The following ROCK2 variants were observed in gnomAD, a reference collection of about 807,000 sequenced individuals.
ROCK2 encodes the protein rho-associated protein kinase 2.
ROCK2 carries 61 observed loss-of-function variants against 195.1 expected under a neutral mutation model. The observed-to-expected ratio is 0.31, with a 90% CI of 0.25 to 0.39. The LOEUF (loss-of-function observed/expected upper bound fraction) is 0.39, where lower values mean the gene tolerates loss of function less well. ROCK2 is among the 10% of genes least tolerant of loss of function. ROCK2 has a pLI of 1.00. For missense variants in ROCK2, 1,109 were observed against 1,637.4 expected (o/e 0.68, Z 5.57); for synonymous variants, 504 against 545.5 (o/e 0.92, Z 1.06).
At chr2:11,341,431 C>A (rs1356466888) in intron 1 of ROCK2, among the ~76,000 whole-genome samples, 5 of 152,178 alleles carry the variant, frequency 3.3e-5, no homozygotes, top group Non-Finnish European at 7.4e-5. Flanking sequence ...GAGAAGTGAA[C>A]TAAATTTAAT....
chr2:11,185,546 T>A (rs1225719793), intron 32 of ROCK2, among the ~76,000 whole-genome samples: 2 of 152,102 alleles, frequency 1.3e-5, no homozygotes, highest in Non-Finnish European at 2.9e-5. Context: ...CTGGCCAACA[T>A]GGTGAAACCA....
At position 11,256,677 on chromosome 2, in the gene ROCK2, T is replaced by C. The variant is rs1666047635; in HGVS notation, c.325-6879A>G. On this transcript the variant is annotated intron_variant, in intron 3 of 32. Coordinates refer to ENST00000315872, the MANE Select transcript of ROCK2 (RefSeq NM_004850.5). ...AGATCTACCATGCAAACTGCAAGGG[T>C]AAAAAAGTTGGTATATAAATAATAA... Among the ~76,000 whole-genome samples, 3 of 150,804 alleles carry C rather than the reference T, an allele frequency of 2.0e-5. No individual in the cohort carries two copies. In the South Asian group the frequency reaches 6.2e-4, roughly 31 times the overall value.
Position 11,201,320 on chromosome 2 carries a change from G to T in ROCK2, c.2713C>A (p.Gln905Lys). The change falls in exon 22 of 33, where the codon CAG (glutamine) becomes AAG (lysine). Residue 905 changes from glutamine to lysine, a missense_variant. By Grantham distance (53) the Gln-to-Lys change is moderately conservative (BLOSUM62 1). Coordinates refer to ENST00000315872, the MANE Select transcript of ROCK2 (RefSeq NM_004850.5). The surrounding 1 kb of genome is among the most constrained non-coding windows in gnomAD (Gnocchi z 4.6). ...KELQQKKQELQDERDSLAAQL... is the reference protein window; with the variant it reads ...KELQQKKQELKDERDSLAAQL... ...GGGTCTCATACTTACCGTTCATCCT[G>T]TAATTCCTGTTTCTTCTGCTGCAAT... 3 of 1,607,672 alleles carry T rather than the reference G, an allele frequency of 1.9e-6. No homozygotes were observed. The highest frequency in any genetic ancestry group is 2.6e-6 in the Non-Finnish European group (3 of 1,174,624).
At chr2:11,285,740 C>T (rs1667165606) in intron 3 of ROCK2, among the ~76,000 whole-genome samples, 1 of 152,048 alleles carries the variant, frequency 6.6e-6, no homozygotes, top group Non-Finnish European at 1.5e-5. Context: ...GGTAGGAGAA[C>T]TGCTTGAGCT....
At chr2:11,202,629 C>G (rs1362519973) in intron 20 of ROCK2, among the ~76,000 whole-genome samples, 1 of 152,076 alleles carries the variant, frequency 6.6e-6, no homozygotes, top group Non-Finnish European at 1.5e-5. Context: ...TCCCGAGTAG[C>G]TGGGACTACA....
intron 4 of ROCK2, among the ~76,000 whole-genome samples, chr2:11,238,664 A>T (rs1665313707): frequency 6.6e-6 from 1 of 152,190 alleles, no homozygotes; most frequent in African/African-American, 2.4e-5. Context: ...CCTGGGCAAC[A>T]AAGTGAGACT....
At position 11,279,759 on chromosome 2, in the gene ROCK2, A is replaced by T. The variant is rs78517659; in HGVS notation, c.324+6780T>A. 4.8e-4 allele frequency among the ~76,000 whole-genome samples: 73 copies of T among 152,344 alleles called. No individual in the cohort carries two copies. The East Asian group carries it at 0.012, about 25-fold the overall frequency. ...TTTCTCAAACTCTCATGGAACGTTC[A>T]CCAAGATAAATCACATTCTGGGCCA... On this transcript the variant is annotated intron_variant, in intron 3 of 32. Coordinates refer to ENST00000315872, the MANE Select transcript of ROCK2 (RefSeq NM_004850.5).
At chr2:11,341,753 A>G (rs1189167928) in intron 1 of ROCK2, among the ~76,000 whole-genome samples, 1 of 152,254 alleles carries the variant, frequency 6.6e-6, no homozygotes, top group Non-Finnish European at 1.5e-5. Flanking sequence ...AACAATGACC[A>G]ATAGTGAAAT....
chr2:11,262,707 G>A (rs1666276384), intron 3 of ROCK2, among the ~76,000 whole-genome samples: 2 of 152,230 alleles, frequency 1.3e-5, no homozygotes, highest in South Asian at 2.1e-4. Context: ...GGAACTGTAA[G>A]TCCAATAAAC....
intron 3 of ROCK2, among the ~76,000 whole-genome samples, chr2:11,254,577 A>G (rs1665952581): frequency 6.6e-6 from 1 of 151,956 alleles, no homozygotes; most frequent in African/African-American, 2.4e-5. Context: ...TGGCATTGGA[A>G]GAACACAGGA....
At chr2:11,190,294 G>T (rs1014519685) in intron 32 of ROCK2, among the ~76,000 whole-genome samples, 1 of 150,870 alleles carries the variant, frequency 6.6e-6, no homozygotes, top group Non-Finnish European at 1.5e-5. Context: ...ACTACTTACC[G>T]TTGCTATGAC....
chr2:11,209,405 G>T (rs1010247806), intron 18 of ROCK2, among the ~76,000 whole-genome samples: 10 of 152,152 alleles, frequency 6.6e-5, no homozygotes, highest in African/African-American at 2.4e-4. Context: ...CAAGCACTTG[G>T]TAAGTGCTTA....
At position 11,201,972 on chromosome 2, in the gene ROCK2, A is replaced by G; in HGVS notation, c.2619+80T>C. On this transcript the variant is annotated intron_variant, in intron 21 of 32. Transcript: ENST00000315872. The surrounding 1 kb of genome is among the most constrained non-coding windows in gnomAD (Gnocchi z 4.6). Reference sequence around the variant, plus strand: ...ATTCTTTTGCCCAGCTGCTCTTTTTATATGAGTTGTATGGTATAAATAAAA... The same window carrying G: ...ATTCTTTTGCCCAGCTGCTCTTTTTGTATGAGTTGTATGGTATAAATAAAA... The G allele has an allele frequency of 9.8e-7, 1 of 1,023,058 alleles. No individual in the cohort carries two copies. The highest frequency in any genetic ancestry group is 1.5e-6 in the Non-Finnish European group (1 of 649,824). The allele number at this position is 1,023,058 out of a possible 1,614,324, so 63.4% of individuals were successfully genotyped here. A position where few individuals can be genotyped will look rare whatever the true frequency, so the allele number is the denominator to read the frequency against.
intron 18 of ROCK2, among the ~76,000 whole-genome samples, chr2:11,209,687 C>T (rs1664181794): frequency 6.6e-6 from 1 of 152,144 alleles, no homozygotes; most frequent in South Asian, 2.1e-4. Context: ...TCTTGATATA[C>T]TGGTTAGTAC....
chr2:11,318,395 G>T (rs867860589), intron 1 of ROCK2, among the ~76,000 whole-genome samples: 1 of 152,210 alleles, frequency 6.6e-6, no homozygotes, highest in African/African-American at 2.4e-5. Context: ...GTGTCTGTTG[G>T]CTGCATAAAT....
chr2:11,221,232 G>A lies in ROCK2; in HGVS notation c.1225C>T (p.Pro409Ser). Residue 409 changes from proline (P) to serine (S), a missense_variant, in exon 9 of 33, where the codon CCT becomes TCT. This residue lies in a region of ROCK2 where 253 missense variants were observed against 455.5 expected (regional missense o/e 0.56). Coordinates refer to ENST00000315872, the MANE Select transcript of ROCK2 (RefSeq NM_004850.5). ...IPKAFVGNQLPFIGFTYYREN... is the reference protein window; with the variant it reads ...IPKAFVGNQLSFIGFTYYREN... ...CTATAGTAGGTAAATCCGATGAAAG[G>A]CAGCTGATTTCCAACAAAAGCTTTA... 6.3e-7 allele frequency: 1 copy of A among 1,580,386 alleles called. No individual in the cohort carries two copies. The highest frequency in any genetic ancestry group is 1.9e-5 in the Admixed American group (1 of 53,696).
intron 4 of ROCK2, among the ~76,000 whole-genome samples, chr2:11,245,799 C>T (rs1457383572): frequency 6.6e-6 from 1 of 152,092 alleles, no homozygotes; most frequent in Non-Finnish European, 1.5e-5. Context: ...ACAATTTGAG[C>T]ATCAATAAGA....
At chr2:11,217,567 CAA>C (rs1463416990) in intron 11 of ROCK2, among the ~76,000 whole-genome samples, 2 of 152,100 alleles carry the variant, frequency 1.3e-5, no homozygotes, top group African/African-American at 2.4e-5. Flanking sequence ...ACATCTAAAA[CAA>C]ATATTCAGAG....
At chr2:11,193,213 A>C (rs894802460) in intron 30 of ROCK2, among the ~76,000 whole-genome samples, 2 of 152,168 alleles carry the variant, frequency 1.3e-5, no homozygotes, top group Non-Finnish European at 1.5e-5. Context: ...TGTGTATTAA[A>C]CTCCAAATAA....
Sources: allele counts gnomAD v4.1 joint callset (sites outside exome capture counted in the v4.1 genomes callset), GRCh38; gene constraint gnomAD v4.1.1; regional missense constraint gnomAD v4.1.1; non-coding constraint Gnocchi (gnomAD v3.1); transcripts MANE v1.5; gene names NCBI Gene and HGNC (gene_info 2026-07-23, HGNC 2026-07-21).